Variants in NBAS observed in about 807,000 individuals in gnomAD.
NBAS encodes the protein NBAS subunit of NRZ tethering complex, also known as NAG/BC035112 fusion.
A neutral mutation model predicts 302.5 loss-of-function variants in NBAS; 219 were observed. The ratio of observed to expected loss-of-function variants is 0.72; its 90% CI spans 0.65 to 0.81. The LOEUF (loss-of-function observed/expected upper bound fraction) is 0.81, where lower values mean the gene tolerates loss of function less well. Among genes scored for constraint, NBAS ranks in the 30% least tolerant of loss-of-function variants. The pLI is 0.00. For synonymous variants in NBAS, 1,118 were observed against 1,021.6 expected, an observed-to-expected ratio of 1.09 and a Z score of -1.80; for missense variants, 2,932 against 2,841.6, an observed-to-expected ratio of 1.03 and a Z score of -0.72.
the NBAS span, chr2:14,907,473 T>C: frequency 6.6e-6 from 1 of 152,228 alleles, no homozygotes; most frequent in Non-Finnish European, 1.5e-5. Context: ...TCCACTGTTG[T>C]GAGAAGTCAA....
chr2:15,077,482 G>C, the NBAS span, among the ~76,000 whole-genome samples: 1 of 152,178 alleles, frequency 6.6e-6, no homozygotes, highest in African/African-American at 2.4e-5. Context: ...ACTGAGAATA[G>C]AGTGACAAAT....
At chr2:14,883,071 G>C in the NBAS span, among the ~76,000 whole-genome samples, 1 of 152,180 alleles carries the variant, frequency 6.6e-6, no homozygotes, top group Non-Finnish European at 1.5e-5. Flanking sequence ...GCTAAAATGT[G>C]CGTGAAATAC....
At chr2:15,446,071 T>C (rs906152502) in intron 21 of NBAS, among the ~76,000 whole-genome samples, 97 of 150,010 alleles carry the variant, frequency 6.5e-4, no homozygotes, top group African/African-American at 2.3e-3. Flanking sequence ...AACATACATA[T>C]AATAGGAGTC....
chr2:15,282,214 G>C (rs780072753), intron 42 of NBAS, among the ~76,000 whole-genome samples: 4 of 152,080 alleles, frequency 2.6e-5, no homozygotes, highest in Non-Finnish European at 4.4e-5. Flanking sequence ...ACTAATAGGG[G>C]TTAGATGCTC....
the NBAS span, among the ~76,000 whole-genome samples, chr2:15,040,618 A>ACCAAGCT: frequency 6.6e-6 from 1 of 152,200 alleles, no homozygotes; most frequent in East Asian, 1.9e-4. Context: ...GTTGGCCTGC[A>ACCAAGCT]CCAAGCTCGT....
chr2:15,068,575 C>A, the NBAS span, among the ~76,000 whole-genome samples: 2 of 139,432 alleles, frequency 1.4e-5, no homozygotes, highest in Non-Finnish European at 3.1e-5. Context: ...TCTTAATCAT[C>A]TTTTGAATCC....
the NBAS span, among the ~76,000 whole-genome samples, chr2:14,798,518 A>T: frequency 6.6e-6 from 1 of 152,176 alleles, no homozygotes. Flanking sequence ...TGCATTCATA[A>T]GTGCTATTGG....
intron 11 of NBAS, among the ~76,000 whole-genome samples, chr2:15,493,687 G>C (rs940252098): frequency 2.1e-4 from 32 of 150,158 alleles, no homozygotes; most frequent in African/African-American, 7.8e-4. Flanking sequence ...AAAAAAAAAA[G>C]GTAAACCTCA....
At chr2:15,143,291 A>G in the NBAS span, among the ~76,000 whole-genome samples, 9 of 152,198 alleles carry the variant, frequency 5.9e-5, no homozygotes, top group Non-Finnish European at 8.8e-5. Context: ...GTGGTCCTGC[A>G]GCAAGTCCGC....
the NBAS span, among the ~76,000 whole-genome samples, chr2:14,902,799 C>T: frequency 4.3e-4 from 66 of 152,086 alleles, 1 homozygote; most frequent in Non-Finnish European, 3.2e-4. Flanking sequence ...ATCAAATACA[C>T]AGAATCTCAA....
At chr2:15,325,432 T>G (rs1251410551) in intron 38 of NBAS, among the ~76,000 whole-genome samples, 2 of 152,220 alleles carry the variant, frequency 1.3e-5, no homozygotes, top group Non-Finnish European at 2.9e-5. Flanking sequence ...CTAATCTTTT[T>G]GCAGGTGAAG....
At chr2:15,275,848 T>G in intron 43 of NBAS, 30 bp from the exon 44 acceptor site, 3 of 1,586,272 alleles carry the variant, frequency 1.9e-6, no homozygotes, top group Non-Finnish European at 2.6e-6. Context: ...AGTAGGTAAG[T>G]GGTTCATTCC....
chr2:14,896,649 C>CA, the NBAS span, among the ~76,000 whole-genome samples: 1 of 151,916 alleles, frequency 6.6e-6, no homozygotes, highest in African/African-American at 2.4e-5. Flanking sequence ...ACTGACTGTA[C>CA]ATCAGTACTG....
intron 47 of NBAS, 64 bp downstream of exon 47, chr2:15,232,358 A>C (rs1026340921): frequency 6.8e-7 from 1 of 1,481,196 alleles, no homozygotes; most frequent in African/African-American, 1.4e-5. Flanking sequence ...ACGGATACTA[A>C]GAGCAATTCT....
intron 33 of NBAS, 48 bp from the exon 34 acceptor site, chr2:15,353,758 T>C: frequency 6.2e-7 from 1 of 1,612,288 alleles, no homozygotes. Context: ...AAGAAGAATA[T>C]TCAATCTAAG....
the NBAS span, among the ~76,000 whole-genome samples, chr2:15,085,551 G>A: frequency 6.6e-6 from 1 of 152,292 alleles, no homozygotes; most frequent in Non-Finnish European, 1.5e-5. Flanking sequence ...GCTCCAGGCT[G>A]TGAGGGGGCA....
chr2:14,917,793 G>T, the NBAS span, among the ~76,000 whole-genome samples: 1 of 152,146 alleles, frequency 6.6e-6, no homozygotes, highest in African/African-American at 2.4e-5. Flanking sequence ...AGTAAAAGTA[G>T]CCCTGAGTCC....
chr2:15,201,197 G>A (rs1314760668), intron 48 of NBAS, among the ~76,000 whole-genome samples: 1 of 152,140 alleles, frequency 6.6e-6, no homozygotes, highest in East Asian at 1.9e-4. Flanking sequence ...TTGATTTGAA[G>A]TTGCAAAATA....
chr2:15,499,015 A>C (rs1184720966), intron 11 of NBAS, among the ~76,000 whole-genome samples: 2 of 147,562 alleles, frequency 1.4e-5, no homozygotes, highest in Non-Finnish European at 3.0e-5. Context: ...TGTAACCTCT[A>C]CCTCCTGGGT....
Sources: gnomAD v4.1 joint callset for allele counts (sites outside exome capture counted in the v4.1 genomes callset) on GRCh38, gnomAD v4.1.1 for gene constraint, MANE v1.5 for transcripts, NCBI Gene and HGNC (gene_info 2026-07-23, HGNC 2026-07-21) for gene names.